The following ADAM22 variants were observed in gnomAD, a reference collection of about 807,000 sequenced individuals.
ADAM22 encodes disintegrin and metalloproteinase domain-containing protein 22.
Under a neutral mutation model 144.6 loss-of-function variants are expected in ADAM22, and 65 were observed. The ratio of observed to expected loss-of-function variants is 0.45; its 90% CI spans 0.37 to 0.55. The LOEUF (loss-of-function observed/expected upper bound fraction) is 0.55. Among genes scored for constraint, ADAM22 ranks in the 20% least tolerant of loss-of-function variants. The pLI, the probability that ADAM22 is intolerant of heterozygous loss-of-function variation, is 0.00. For synonymous variants in ADAM22, 391 were observed against 412.6 expected, an observed-to-expected ratio of 0.95 and a Z score of 0.63; for missense variants, 974 against 1,184.9, an observed-to-expected ratio of 0.82 and a Z score of 2.61.
At chr7:88,075,369 G>T (rs527776101) in intron 3 of ADAM22, among the ~76,000 whole-genome samples, 1 of 152,274 alleles carries the variant, frequency 6.6e-6, no homozygotes, top group South Asian at 2.1e-4. Flanking sequence ...ATTATTGGCT[G>T]GTTCAGCAGA....
intron 3 of ADAM22, among the ~76,000 whole-genome samples, chr7:88,072,793 C>G (rs907863450): frequency 3.3e-5 from 5 of 152,166 alleles, no homozygotes; most frequent in Admixed American, 6.5e-5. Flanking sequence ...TCTCCTACAT[C>G]TGGGGAAGTT....
intron 26 of ADAM22, among the ~76,000 whole-genome samples, chr7:88,175,025 A>G (rs1845288381): frequency 6.6e-6 from 1 of 152,158 alleles, no homozygotes; most frequent in African/African-American, 2.4e-5. Context: ...CATTGGAGAA[A>G]TGCCTCCTTC....
chr7:88,175,596 C>G (rs1845454222), intron 26 of ADAM22, among the ~76,000 whole-genome samples: 1 of 152,124 alleles, frequency 6.6e-6, no homozygotes, highest in African/African-American at 2.4e-5. Context: ...TCATACATGT[C>G]TAAAATATTT....
chr7:88,154,606 T>A (rs1839383830), intron 21 of ADAM22, among the ~76,000 whole-genome samples: 1 of 152,204 alleles, frequency 6.6e-6, no homozygotes, highest in Non-Finnish European at 1.5e-5. Context: ...GTGTGTGATT[T>A]ATCTTCTTAT....
intron 2 of ADAM22, among the ~76,000 whole-genome samples, chr7:87,954,593 A>T (rs926066020): frequency 4.0e-5 from 6 of 151,658 alleles, no homozygotes; most frequent in Non-Finnish European, 7.4e-5. Context: ...CTTCATTTCA[A>T]CTTTGGTGAA....
chr7:88,108,261 A>T lies in ADAM22; in HGVS notation c.473+3A>T, dbSNP rs779719497. 1 of 1,611,500 alleles carries T rather than the reference A, an allele frequency of 6.2e-7. No homozygotes were observed. The highest frequency in any genetic ancestry group is 1.3e-5 in the African/African-American group (1 of 74,758). ...TTGTCAACATGCCACGGACTTCAGT[A>T]AGTGTTCAAAAAGTTATTTTTACTG... On this transcript the variant is annotated splice_donor_region_variant and intron_variant, in intron 5 of 31. Transcript: ENST00000413139.
intron 2 of ADAM22, among the ~76,000 whole-genome samples, chr7:87,959,506 A>G (rs545365764): frequency 2.4e-4 from 37 of 152,042 alleles, no homozygotes; most frequent in Non-Finnish European, 2.8e-4. Flanking sequence ...ATGGTGGAAC[A>G]ATTTGCTCTC....
chr7:87,970,283 C>T (rs1850123796), intron 2 of ADAM22, among the ~76,000 whole-genome samples: 1 of 152,036 alleles, frequency 6.6e-6, no homozygotes, highest in South Asian at 2.1e-4. Context: ...AGATGTTAGA[C>T]TTCCAAGAAT....
intron 3 of ADAM22, among the ~76,000 whole-genome samples, chr7:88,001,704 A>T (rs757238086): frequency 6.6e-6 from 1 of 151,954 alleles, no homozygotes; most frequent in Non-Finnish European, 1.5e-5. Context: ...CTGCCACTTC[A>T]TAACTTTGTT....
chr7:87,948,358 C>A (rs1844222908), intron 2 of ADAM22, among the ~76,000 whole-genome samples: 1 of 152,080 alleles, frequency 6.6e-6, no homozygotes, highest in Non-Finnish European at 1.5e-5. Flanking sequence ...ACTTGTAAAC[C>A]TATATTTTGT....
At chr7:87,977,737 A>T (rs551060150) in intron 2 of ADAM22, among the ~76,000 whole-genome samples, 14 of 150,600 alleles carry the variant, frequency 9.3e-5, no homozygotes, top group African/African-American at 2.2e-4. Context: ...GAAATAGTGA[A>T]TTTTTTTTTT....
chr7:88,097,122 G>A (rs770178815), intron 4 of ADAM22, among the ~76,000 whole-genome samples: 8 of 150,084 alleles, frequency 5.3e-5, no homozygotes, highest in South Asian at 2.1e-4. Flanking sequence ...TCTCTTGGAC[G>A]TGCTGCAACC....
intron 3 of ADAM22, among the ~76,000 whole-genome samples, chr7:88,054,460 C>T (rs1291531353): frequency 7.2e-5 from 11 of 152,148 alleles, no homozygotes; most frequent in Admixed American, 2.0e-4. Flanking sequence ...ACAGCTCCCT[C>T]CATCCCACCA....
At chr7:88,194,839 A>G (rs1563445826) in intron 31 of ADAM22, among the ~76,000 whole-genome samples, 3 of 152,222 alleles carry the variant, frequency 2.0e-5, no homozygotes, top group Non-Finnish European at 4.4e-5. Context: ...CTCCACCACC[A>G]GTGTCACCCA....
Position 88,108,373 on chromosome 7 carries a change from G to A in ADAM22, c.473+115G>A, listed in dbSNP as rs189866873. The A allele has an allele frequency of 5.1e-5, 41 of 801,482 alleles. No homozygotes were observed. In the Middle Eastern group the frequency reaches 8.0e-4, roughly 16 times the overall value. 49.6% of individuals were successfully genotyped at this position (801,482 alleles called of 1,614,324 possible). The stretch of plus-strand genomic sequence containing the variant: ...TGTGTCAAGAAATGACTTTAAATTG[G>A]TGATGGATCTGATTTTTTTTTTCTC... On this transcript the variant is annotated intron_variant, in intron 5 of 31. Coordinates refer to ENST00000413139, the MANE Select transcript of ADAM22 (RefSeq NM_001324418.2).
At chr7:88,083,435 A>C (rs988703047) in intron 4 of ADAM22, among the ~76,000 whole-genome samples, 2 of 151,974 alleles carry the variant, frequency 1.3e-5, no homozygotes, top group Non-Finnish European at 2.9e-5. Context: ...ACATGTATAC[A>C]TATGTAACAA....
At chr7:88,027,418 T>C (rs1799245003) in intron 3 of ADAM22, among the ~76,000 whole-genome samples, 1 of 152,230 alleles carries the variant, frequency 6.6e-6, no homozygotes. Flanking sequence ...TTACTTGTTA[T>C]TACTCTGTTC....
At chr7:88,073,839 G>A (rs1392142982) in intron 3 of ADAM22, among the ~76,000 whole-genome samples, 1 of 152,256 alleles carries the variant, frequency 6.6e-6, no homozygotes, top group Non-Finnish European at 1.5e-5. Flanking sequence ...CTGCTCAAGT[G>A]TCTGAGAGAT....
intron 7 of ADAM22, among the ~76,000 whole-genome samples, chr7:88,118,478 C>T (rs1273854439): frequency 6.6e-6 from 1 of 151,774 alleles, no homozygotes. Context: ...TTTTAAAATC[C>T]CTATTCTGAT....
Sources: allele counts gnomAD v4.1 joint callset (sites outside exome capture counted in the v4.1 genomes callset), GRCh38; gene constraint gnomAD v4.1.1; transcripts MANE v1.5; gene names NCBI Gene and HGNC (gene_info 2026-07-23, HGNC 2026-07-21).